The following DGKD variants were observed in gnomAD, a reference collection of about 807,000 sequenced individuals.
DGKD encodes DAG kinase delta.
Under a neutral mutation model 154.4 loss-of-function variants are expected in DGKD, and 68 were observed. The ratio of observed to expected loss-of-function variants is 0.44; its 90% CI spans 0.36 to 0.54. The LOEUF is 0.54. Among genes scored for constraint, DGKD ranks in the 20% least tolerant of loss-of-function variants. DGKD has a pLI of 0.00. For synonymous variants in DGKD, 693 were observed against 638.0 expected (o/e 1.09, Z -1.30); for missense variants, 1,343 against 1,593.6 (o/e 0.84, Z 2.68).
At chr2:233,420,544 T>C (rs2125543432) in intron 3 of DGKD, among the ~76,000 whole-genome samples, 1 of 152,312 alleles carries the variant, frequency 6.6e-6, no homozygotes, top group East Asian at 1.9e-4. Flanking sequence ...TTTTGATAAG[T>C]GTGTGTAGGC....
chr2:233,437,614 G>A (rs2062743675), intron 8 of DGKD, 135 bp downstream of exon 8: 4 of 878,720 alleles, frequency 4.6e-6, no homozygotes, highest in South Asian at 3.2e-5. Flanking sequence ...TGTTGGGGGT[G>A]CTGGAGGAGT....
At chr2:233,356,671 G>T (rs983522536) in intron 1 of DGKD, among the ~76,000 whole-genome samples, 2 of 152,158 alleles carry the variant, frequency 1.3e-5, no homozygotes, top group Admixed American at 6.5e-5. Context: ...GGAGTGATGG[G>T]TAGACTGTTA....
chr2:233,469,971 A>C lies in DGKD; in HGVS notation c.*511A>C, dbSNP rs1256498199. On this transcript the variant is annotated 3_prime_UTR_variant, in exon 30 of 30. Coordinates refer to ENST00000264057, the MANE Select transcript of DGKD (RefSeq NM_152879.3). ...TTTGTTGATGCAGCTTTTGTTGAAC[A>C]AAAATCGTGCTCTTTCCTGGTTTGA... 2 of 153,018 alleles carry C rather than the reference A, an allele frequency of 1.3e-5. No homozygotes were observed. The highest frequency in any genetic ancestry group is 4.8e-5 in the African/African-American group (2 of 41,490). 9.5% of individuals were successfully genotyped at this position (153,018 alleles called of 1,614,324 possible).
At chr2:233,409,873 C>A (rs2061783628) in intron 3 of DGKD, among the ~76,000 whole-genome samples, 1 of 145,214 alleles carries the variant, frequency 6.9e-6, no homozygotes, top group Non-Finnish European at 1.5e-5. Flanking sequence ...GAAGGGTTGG[C>A]CCTGCAGACT....
rs2064008262 is a variant in DGKD, at chr2:233,471,311, C to T, written c.*1851C>T. 6.6e-6 allele frequency: 1 copy of T among 152,392 alleles called. No homozygotes were observed. Among genetic ancestry groups the T allele is most frequent in the South Asian group, 2.1e-4 (1 of 4,834 alleles). 9.4% of individuals were successfully genotyped at this position (152,392 alleles called of 1,614,324 possible). A position where few individuals can be genotyped will look rare whatever the true frequency, so the allele number is the denominator to read the frequency against. On this transcript the variant is annotated 3_prime_UTR_variant, in exon 30 of 30. Transcript: ENST00000264057. The stretch of plus-strand genomic sequence containing the variant: ...GAAGGTGGTTGTATGTTACCTTTTC[C>T]ACCTCTCATTGTTTTCCCCAGAACA...
chr2:233,380,504 C>G (rs954787885), intron 1 of DGKD, among the ~76,000 whole-genome samples: 1 of 152,170 alleles, frequency 6.6e-6, no homozygotes, highest in Non-Finnish European at 1.5e-5. Context: ...TACACGTGTT[C>G]CCATATACCA....
Position 233,434,372 on chromosome 2 carries a change from T to C in DGKD, c.349-8T>C. Reference sequence around the variant, plus strand: ...TCATGGATCTGTTGAACCTGTTTCTTTCTCTAGGTCATAACTCCATGCAGG... The same window carrying C: ...TCATGGATCTGTTGAACCTGTTTCTCTCTCTAGGTCATAACTCCATGCAGG... On this transcript the variant is annotated splice_region_variant and splice_polypyrimidine_tract_variant and intron_variant, in intron 3 of 29. Coordinates refer to ENST00000264057, the MANE Select transcript of DGKD (RefSeq NM_152879.3). 3.1e-6 allele frequency: 5 copies of C among 1,611,980 alleles called. No homozygotes were observed. The highest frequency in any genetic ancestry group is 2.7e-5 in the African/African-American group (2 of 74,978).
rs537946078 is a variant in DGKD, at chr2:233,370,494, T to C, written c.156+15820T>C. ...GGCCTCCCAAAGTCCTGGGATTACA[T>C]GCGTGAGCCACCGCACCCGGCCACT... On this transcript the variant is annotated intron_variant, in intron 1 of 29. Transcript: ENST00000264057. Among the ~76,000 whole-genome samples the C allele has an allele frequency of 3.0e-4, 45 of 151,840 alleles. No homozygotes were observed. In the South Asian group the frequency reaches 9.4e-3, roughly 32 times the overall value.
At position 233,448,222 on chromosome 2, in the gene DGKD, C is replaced by T. The variant is rs369297824; in HGVS notation, c.1514+41C>T. 42 of 1,613,780 alleles carry T rather than the reference C, an allele frequency of 2.6e-5. 1 individual carries two copies. In the East Asian group the frequency reaches 3.3e-4, roughly 13 times the overall value. ...CCCTGGGGAGGGCATGGTGCCCTGG[C>T]CCCCAGCCTGGAGCTGCCTCTCTAG... On this transcript the variant is annotated intron_variant, in intron 13 of 29. Coordinates refer to ENST00000264057, the MANE Select transcript of DGKD (RefSeq NM_152879.3).
chr2:233,455,858 T>C (rs541394399), intron 19 of DGKD, among the ~76,000 whole-genome samples: 1 of 152,314 alleles, frequency 6.6e-6, no homozygotes, highest in Non-Finnish European at 1.5e-5. Flanking sequence ...GAAAGAACTT[T>C]TGACTCTGAG....
At chr2:233,427,497 C>T (rs6713866) in intron 3 of DGKD, among the ~76,000 whole-genome samples, 18,526 of 152,002 alleles carry the variant, frequency 0.12, 1,340 homozygotes, top group African/African-American at 0.22. Flanking sequence ...CATGCCACCA[C>T]GTCCAGCTAT....
chr2:233,464,048 T>C, intron 26 of DGKD, 116 bp from the exon 27 acceptor site: 1 of 1,412,780 alleles, frequency 7.1e-7, no homozygotes, highest in African/African-American at 1.5e-5. Context: ...TTCTGGAAAG[T>C]GAGCTCCCTG....
In DGKD at chr2:233,462,696, C is replaced by T; in HGVS notation, c.3147C>T (p.Arg1049=). Reference sequence around the variant, plus strand: ...TGGTGAATAACTTCAGAGCTCTGCGCAGTGAGACGGAGCTGCTGCTGTCTG... The same window carrying T: ...TGGTGAATAACTTCAGAGCTCTGCGTAGTGAGACGGAGCTGCTGCTGTCTG... ...LEMVNNFRAL[R]SETELLLSGK... is the part of the protein sequence containing the mutation. Residue 1049 remains arginine (R), a synonymous_variant, in exon 26 of 30, where the codon CGC becomes CGT. Transcript: ENST00000264057. The T allele has an allele frequency of 6.2e-7, 1 of 1,614,110 alleles. No individual in the cohort carries two copies. The highest frequency in any genetic ancestry group is 1.1e-5 in the South Asian group (1 of 91,086).
chr2:233,465,885 TTAA>T (rs199808969), intron 27 of DGKD, among the ~76,000 whole-genome samples: 15 of 148,042 alleles, frequency 1.0e-4, no homozygotes, highest in South Asian at 6.2e-4. Flanking sequence ...TACAGAAAGA[TTAA>T]TAATAATTAA....
chr2:233,442,660 C>T (rs929614397), intron 10 of DGKD: 2 of 163,586 alleles, frequency 1.2e-5, no homozygotes, highest in Non-Finnish European at 2.7e-5. Context: ...GGCTGGAGTG[C>T]AGTGGTGCGA....
intron 3 of DGKD, among the ~76,000 whole-genome samples, chr2:233,429,467 A>G (rs1386681201): frequency 6.6e-6 from 1 of 152,162 alleles, no homozygotes; most frequent in African/African-American, 2.4e-5. Context: ...CCAGTCTCCC[A>G]TGACCGTCCC....
At chr2:233,421,121 A>G (rs1653987249) in intron 3 of DGKD, among the ~76,000 whole-genome samples, 1 of 152,114 alleles carries the variant, frequency 6.6e-6, no homozygotes, top group South Asian at 2.1e-4. Context: ...CTCATGAGTG[A>G]GATAAGACAT....
chr2:233,454,954 C>T, intron 19 of DGKD, 81 bp downstream of exon 19: 2 of 930,200 alleles, frequency 2.2e-6, no homozygotes, highest in South Asian at 1.4e-5. Flanking sequence ...TTTCTGGAGT[C>T]AGCAGGTTAA....
intron 1 of DGKD, among the ~76,000 whole-genome samples, chr2:233,359,391 C>T (rs755974930): frequency 3.9e-5 from 6 of 151,970 alleles, no homozygotes; most frequent in Non-Finnish European, 7.4e-5. Context: ...GATGTTAACT[C>T]ATAGAATTAA....
Sources: allele counts gnomAD v4.1 joint callset (sites outside exome capture counted in the v4.1 genomes callset), GRCh38; gene constraint gnomAD v4.1.1; transcripts MANE v1.5; gene names NCBI Gene and HGNC (gene_info 2026-07-23, HGNC 2026-07-21).